The following CDH26 variants were observed in gnomAD, a reference collection of about 807,000 sequenced individuals.
CDH26 encodes the protein cadherin 26.
CDH26 carries 83 observed loss-of-function variants against 90.3 expected under a neutral mutation model. The observed-to-expected ratio is 0.92, with a 90% CI of 0.77 to 1.10. The LOEUF (loss-of-function observed/expected upper bound fraction) is 1.10. CDH26 is among the 50% of genes least tolerant of loss of function. The pLI is 0.00. For missense variants in CDH26, 1,013 were observed against 1,037.6 expected, an observed-to-expected ratio of 0.98 and a Z score of 0.33; for synonymous variants, 397 against 396.3, an observed-to-expected ratio of 1.00 and a Z score of -0.02.
intron 2 of CDH26, 90 bp downstream of exon 2, chr20:59,969,113 C>T (rs1020698752): frequency 2.6e-6 from 2 of 768,192 alleles, no homozygotes; most frequent in African/African-American, 3.5e-5. Flanking sequence ...TCTTTAGTGC[C>T]CTGCCAATGT....
intron 1 of CDH26, among the ~76,000 whole-genome samples, chr20:59,962,502 G>C (rs980032517): frequency 6.6e-6 from 1 of 152,096 alleles, no homozygotes; most frequent in Non-Finnish European, 1.5e-5. Flanking sequence ...TCATCCCTTT[G>C]TGTCTGTGTT....
intron 4 of CDH26, among the ~76,000 whole-genome samples, chr20:59,974,339 A>G (rs1167147067): frequency 6.6e-6 from 1 of 152,228 alleles, no homozygotes. Flanking sequence ...AACCTGCAGA[A>G]TGGGAGAACA....
At chr20:59,987,371 T>C (rs1053512597) in intron 7 of CDH26, 82 bp from the exon 8 acceptor site, 2 of 1,135,238 alleles carry the variant, frequency 1.8e-6, no homozygotes, top group Non-Finnish European at 2.5e-6. Flanking sequence ...CTCTCTCTGC[T>C]TCTCTCCCTC....
At chr20:59,959,938 T>A (rs1234240666) in intron 1 of CDH26, among the ~76,000 whole-genome samples, 1 of 152,216 alleles carries the variant, frequency 6.6e-6, no homozygotes, top group African/African-American at 2.4e-5. Context: ...TTGGTTATGA[T>A]CTGCTTCGTT....
chr20:60,020,598 T>C (rs951951732), intron 7 of CDH26, among the ~76,000 whole-genome samples: 2 of 152,198 alleles, frequency 1.3e-5, no homozygotes, highest in African/African-American at 4.8e-5. Flanking sequence ...GGAATGAATA[T>C]GGAGCGCTGG....
chr20:60,004,496 G>C (rs1032266871), intron 16 of CDH26, among the ~76,000 whole-genome samples: 1 of 152,074 alleles, frequency 6.6e-6, no homozygotes, highest in African/African-American at 2.4e-5. Context: ...CCAGGGCGCC[G>C]TGGCTCACGT....
Position 59,995,873 on chromosome 20 carries a change from T to C in CDH26, c.1707T>C (p.Arg569=). The change falls in exon 12 of 18, where the codon CGT becomes CGC. Residue 569 remains arginine (R), a synonymous_variant. Transcript: ENST00000348616. ...VELLTLRSLP[R]GNYLVPLFIG... ...TTTTAACCTTGAGAAGCCTGCCACG[T>C]GGTAATTACTTGGTGCCACTCTTCA... 6.2e-7 allele frequency: 1 copy of C among 1,614,202 alleles called. No homozygotes were observed. The highest frequency in any genetic ancestry group is 8.5e-7 in the Non-Finnish European group (1 of 1,180,038).
chr20:59,967,812 CATTTCTTTCTTT>C (rs1399413206), intron 1 of CDH26, among the ~76,000 whole-genome samples: 1 of 86,856 alleles, frequency 1.2e-5, no homozygotes, highest in Non-Finnish European at 2.5e-5. Context: ...CTCCCTCCCT[CATTTCTTTCTTT>C]CTTTCTTTCT....
Position 60,014,248 on chromosome 20 carries a change from G to A in CDH26, c.*1518G>A, listed in dbSNP as rs1019183016. On this transcript the variant is annotated 3_prime_UTR_variant, in exon 18 of 18. Coordinates refer to ENST00000348616, the MANE Select transcript of CDH26 (RefSeq NM_177980.4). Reference sequence around the variant, plus strand: ...CATTTACAGTGATCAGATCAGGGTGGTTAACGTAATCATTGGCTCAAACAT... The same window carrying A: ...CATTTACAGTGATCAGATCAGGGTGATTAACGTAATCATTGGCTCAAACAT... 1.3e-5 allele frequency: 2 copies of A among 152,142 alleles called. No individual in the cohort carries two copies. The highest frequency in any genetic ancestry group is 2.9e-5 in the Non-Finnish European group (2 of 68,028). The allele number at this position is 152,142 out of a possible 1,614,324, so 9.4% of individuals were successfully genotyped here.
rs147024816 is a variant in CDH26, at chr20:59,995,770, G to T, written c.1667-63G>T. On this transcript the variant is annotated intron_variant, in intron 11 of 17. Transcript: ENST00000348616. Reference sequence around the variant, plus strand: ...GGCCCGTGCAGGGCGTTCAGTAAGCGTGTGTTGAGCAGATGAGCAGATGAG... The same window carrying T: ...GGCCCGTGCAGGGCGTTCAGTAAGCTTGTGTTGAGCAGATGAGCAGATGAG... 6,174 of 1,457,378 alleles carry T rather than the reference G, an allele frequency of 4.2e-3. 34 individuals carry two copies. Among genetic ancestry groups the T allele is most frequent in the Middle Eastern group, 8.2e-3 (46 of 5,644 alleles). 90.3% of individuals were successfully genotyped at this position (1,457,378 alleles called of 1,614,324 possible).
At chr20:59,995,267 A>G (rs2061578597) in intron 11 of CDH26, among the ~76,000 whole-genome samples, 2 of 152,160 alleles carry the variant, frequency 1.3e-5, no homozygotes, top group Non-Finnish European at 1.5e-5. Context: ...GATAGGGGCA[A>G]TGTGATTTAC....
intron 7 of CDH26, among the ~76,000 whole-genome samples, chr20:60,023,962 A>G (rs4812144): frequency 0.38 from 47,780 of 126,126 alleles, 9,267 homozygotes; most frequent in Non-Finnish European, 0.51. Context: ...TGACAGAGGG[A>G]GAGAGAGAGA....
chr20:59,988,451 G>T (rs1003243101), intron 8 of CDH26, among the ~76,000 whole-genome samples: 1 of 152,198 alleles, frequency 6.6e-6, no homozygotes, highest in Non-Finnish European at 1.5e-5. Context: ...GAATAGCAAG[G>T]CTCTGTAGAC....
Position 59,971,997 on chromosome 20 carries a change from G to T in CDH26, c.267G>T (p.Met89Ile). 6.2e-7 allele frequency: 1 copy of T among 1,613,344 alleles called. No homozygotes were observed. Among genetic ancestry groups the T allele is most frequent in the Non-Finnish European group, 8.5e-7 (1 of 1,179,490 alleles). ...ATATGTCTTATAACATGTCACTAAT[G>T]TATCTAATCAGTGGACCTGGTGTGG... ...FNNMSYNMSL[M>I]YLISGPGVDE... is the part of the protein sequence containing the mutation. Residue 89 changes from methionine to isoleucine, a missense_variant, in exon 4 of 18, where the codon ATG becomes ATT. Coordinates refer to ENST00000348616, the MANE Select transcript of CDH26 (RefSeq NM_177980.4).
chr20:59,994,140 C>A, intron 10 of CDH26, 110 bp from the exon 11 acceptor site: 1 of 1,379,936 alleles, frequency 7.2e-7, no homozygotes, highest in Non-Finnish European at 1.0e-6. Flanking sequence ...GAAAGGGAAA[C>A]AGTTCCAGTA....
At position 59,983,050 on chromosome 20, in the gene CDH26, T is replaced by C. The variant is rs2061412501; in HGVS notation, c.521T>C (p.Val174Ala). The part of the protein sequence containing the change: ...QFPEKEFNIT[V>A]QENQSAGQPI... ...CCAGAGAAGGAATTTAACATCACTGTGCAAGAAAACCAATCTGCAGGTGTG... is the reference window on the plus strand; with the variant it reads ...CCAGAGAAGGAATTTAACATCACTGCGCAAGAAAACCAATCTGCAGGTGTG... The change falls in exon 5 of 18, where the codon GTG (valine) becomes GCG (alanine). Residue 174 changes from valine to alanine, a missense_variant. Transcript: ENST00000348616. 1.2e-6 allele frequency: 2 copies of C among 1,614,076 alleles called. No homozygotes were observed. Among genetic ancestry groups the C allele is most frequent in the Non-Finnish European group, 1.7e-6 (2 of 1,179,966 alleles).
intron 16 of CDH26, among the ~76,000 whole-genome samples, chr20:60,003,530 A>G (rs1358078740): frequency 1.3e-5 from 2 of 152,168 alleles, no homozygotes; most frequent in Admixed American, 1.3e-4. Context: ...ATGGTTTTTG[A>G]ATAGCTCAGT....
intron 4 of CDH26, among the ~76,000 whole-genome samples, chr20:59,974,534 T>C (rs942703729): frequency 6.6e-6 from 1 of 152,174 alleles, no homozygotes; most frequent in Non-Finnish European, 1.5e-5. Flanking sequence ...AGGCACCATT[T>C]AGAGCAAAGA....
chr20:59,999,763 C>T, intron 14 of CDH26, 100 bp downstream of exon 14: 3 of 1,079,636 alleles, frequency 2.8e-6, no homozygotes, highest in East Asian at 4.9e-5. Flanking sequence ...GTGCCACATC[C>T]AGGGAGGTTC....
Sources: allele counts gnomAD v4.1 joint callset (sites outside exome capture counted in the v4.1 genomes callset), GRCh38; gene constraint gnomAD v4.1.1; transcripts MANE v1.5; gene names NCBI Gene and HGNC (gene_info 2026-07-23, HGNC 2026-07-21).